DNAH2: variants seen among roughly 807,000 people sequenced by gnomAD.
DNAH2 encodes dynein axonemal heavy chain 2, also known as axonemal beta dynein heavy chain 2.
DNAH2 carries 323 observed loss-of-function variants against 523.5 expected under a neutral mutation model. The observed-to-expected ratio is 0.62, with a 90% CI of 0.56 to 0.68. The LOEUF (loss-of-function observed/expected upper bound fraction) is 0.68, where lower values mean the gene tolerates loss of function less well. Among genes scored for constraint, DNAH2 ranks in the 30% least tolerant of loss-of-function variants. DNAH2 has a pLI of 0.00. For synonymous variants in DNAH2, 2,093 were observed against 2,177.4 expected (o/e 0.96, Z 1.08); for missense variants, 4,907 against 5,701.5 (o/e 0.86, Z 4.49).
chr17:7,828,632 CAG>C lies in DNAH2; in HGVS notation c.11854-1665_11854-1664del, dbSNP rs1490382948. ...TTATTTTTTATTTTTTAAATAGAGA[CAG>C]AGTCTTGTTACGTTGCCTGGGTTGG... On this transcript the variant is annotated intron_variant, in intron 77 of 85. Transcript: ENST00000572933. The surrounding 1 kb of genome is among the most constrained non-coding windows in gnomAD (Gnocchi z 4.1). Among the ~76,000 whole-genome samples, 2 of 151,950 alleles carry C rather than the reference CAG, an allele frequency of 1.3e-5. No individual in the cohort carries two copies. Among genetic ancestry groups the C allele is most frequent in the African/African-American group, 4.8e-5 (2 of 41,290 alleles).
At chr17:7,825,672 T>G (rs1237209024) in intron 77 of DNAH2, among the ~76,000 whole-genome samples, 1 of 152,224 alleles carries the variant, frequency 6.6e-6, no homozygotes, top group Non-Finnish European at 1.5e-5. Flanking sequence ...GGCCCAGCGT[T>G]TCTCATTCTA....
At chr17:7,788,401 G>A (rs558799785) in intron 44 of DNAH2, among the ~76,000 whole-genome samples, 157 bp downstream of exon 44, 1 of 152,296 alleles carries the variant, frequency 6.6e-6, no homozygotes, top group East Asian at 1.9e-4. Flanking sequence ...GAGGCAGTGA[G>A]GGGTGTGTGT....
Position 7,807,043 on chromosome 17 carries a change from C to G in DNAH2, c.9443-107C>G. 1 of 1,402,580 alleles carries G rather than the reference C, an allele frequency of 7.1e-7. No individual in the cohort carries two copies. The highest frequency in any genetic ancestry group is 1.3e-5 in the South Asian group (1 of 74,382). 86.9% of individuals were successfully genotyped at this position (1,402,580 alleles called of 1,614,324 possible). A position where few individuals can be genotyped will look rare whatever the true frequency, so the allele number is the denominator to read the frequency against. ...AGGTCAGATAATTTGGCCTTAGGAACTGAGCCCAGGAAAAATGTGGCTATG... is the reference window on the plus strand; with the variant it reads ...AGGTCAGATAATTTGGCCTTAGGAAGTGAGCCCAGGAAAAATGTGGCTATG... On this transcript the variant is annotated intron_variant, in intron 61 of 85. Coordinates refer to ENST00000572933, the MANE Select transcript of DNAH2 (RefSeq NM_020877.5). This position sits in a 1 kb window ranked among gnomAD's most constrained non-coding sequence, Gnocchi z 5.6.
intron 18 of DNAH2, among the ~76,000 whole-genome samples, chr17:7,763,539 A>G (rs1004164284): frequency 6.6e-6 from 1 of 152,170 alleles, no homozygotes; most frequent in African/African-American, 2.4e-5. Flanking sequence ...TCGGCCTCCC[A>G]AAGTGCTGGG....
rs796439698 is a variant in DNAH2, at chr17:7,754,966, G to GAAA, written c.1905-2112_1905-2110dup. The GAAA allele has an allele frequency of 9.4e-5, 26 of 277,574 alleles. No homozygotes were observed. Among genetic ancestry groups the GAAA allele is most frequent in the Admixed American group, 1.7e-4 (3 of 17,654 alleles). 17.2% of individuals were successfully genotyped at this position (277,574 alleles called of 1,614,324 possible). A position where few individuals can be genotyped will look rare whatever the true frequency, so the allele number is the denominator to read the frequency against. ...TATTGGTACAAATAAGCCTGAGGCA[G>GAAA]AAAAAAAAAAAAAAAGAATAGGCAG... On this transcript the variant is annotated intron_variant, in intron 12 of 85. Transcript: ENST00000572933. This position sits in a 1 kb window ranked among gnomAD's most constrained non-coding sequence, Gnocchi z 4.6.
In DNAH2 at chr17:7,780,916, G is replaced by GCC; in HGVS notation, c.6004-124_6004-123dup. On this transcript the variant is annotated intron_variant, in intron 38 of 85. Transcript: ENST00000572933. The surrounding 1 kb of genome is among the most constrained non-coding windows in gnomAD (Gnocchi z 4.4). The stretch of plus-strand genomic sequence containing the variant: ...TCCCACCTCGTCCCATCCCCGTGTT[G>GCC]CCCGCTGCTTTGCTAATGGCTAACT... The GCC allele has an allele frequency of 6.3e-7, 1 of 1,581,120 alleles. No individual in the cohort carries two copies. Among genetic ancestry groups the GCC allele is most frequent in the East Asian group, 2.2e-5 (1 of 44,586 alleles).
intron 11 of DNAH2, 25 bp downstream of exon 11, chr17:7,741,017 T>G: frequency 6.3e-7 from 1 of 1,579,682 alleles, no homozygotes; most frequent in Non-Finnish European, 8.6e-7. Context: ...TTCTCCATAT[T>G]CTGTCGTCAG....
Position 7,733,129 on chromosome 17 carries a change from C to T in DNAH2, c.442C>T (p.Pro148Ser). 5.6e-6 allele frequency: 9 copies of T among 1,614,212 alleles called. No individual in the cohort carries two copies. Among genetic ancestry groups the T allele is most frequent in the Non-Finnish European group, 7.6e-6 (9 of 1,180,042 alleles). The change falls in exon 5 of 86, where the codon CCC (proline) becomes TCC (serine). Residue 148 changes from proline to serine, a missense_variant. Pro to Ser is a moderately conservative substitution (Grantham distance 74, BLOSUM62 -1). This residue lies in a region of DNAH2 where 2,806 missense variants were observed against 3,190.8 expected (regional missense o/e 0.88). Transcript: ENST00000572933. Reference sequence around the variant, plus strand: ...CTACTTCATTCGCCAAGCACCAGTTCCCATCACCTGGGAGAACTTCGAGGC... The same window carrying T: ...CTACTTCATTCGCCAAGCACCAGTTTCCATCACCTGGGAGAACTTCGAGGC... ...LVYFIRQAPVPITWENFEATV... is the reference protein window; with the variant it reads ...LVYFIRQAPVSITWENFEATV...
At chr17:7,742,864 G>GTCGCCGTATCATTAAAAAA in intron 11 of DNAH2, 64 bp from the exon 12 acceptor site, 2 of 1,190,308 alleles carry the variant, frequency 1.7e-6, no homozygotes, top group Non-Finnish European at 1.1e-6. Flanking sequence ...AGGTCTCAGG[G>GTCGCCGTATCATTAAAAAA]AGATGGTGGC....
At position 7,766,339 on chromosome 17, in the gene DNAH2, G is replaced by C. The variant is rs374777308; in HGVS notation, c.3533G>C (p.Gly1178Ala). The C allele has an allele frequency of 1.5e-5, 24 of 1,613,700 alleles. No homozygotes were observed. Among genetic ancestry groups the C allele is most frequent in the Non-Finnish European group, 1.8e-5 (21 of 1,179,858 alleles). ...EFKGHFTSNV[G>A]YMSALDQITQ... ...ACAGGCCATTTCACCAGCAACGTGG[G>C]ATACATGTCTGCCTTAGACCAGATT... is the stretch of plus-strand genomic sequence containing the variant. Residue 1178 changes from glycine to alanine, a missense_variant, in exon 22 of 86, where the codon GGA becomes GCA. Around this residue, in one of 3 missense-constraint regions of DNAH2, gnomAD observed 2,806 missense variants for 3,190.8 expected, o/e 0.88. Coordinates refer to ENST00000572933, the MANE Select transcript of DNAH2 (RefSeq NM_020877.5).
chr17:7,769,549 C>G (rs1340634278), intron 24 of DNAH2, among the ~76,000 whole-genome samples: 1 of 152,144 alleles, frequency 6.6e-6, no homozygotes, highest in Non-Finnish European at 1.5e-5. Context: ...GCCTTTGTGC[C>G]TTGTTTAGGA....
intron 11 of DNAH2, among the ~76,000 whole-genome samples, chr17:7,741,310 C>CTT (rs2075334092): frequency 1.4e-5 from 1 of 70,652 alleles, no homozygotes; most frequent in Non-Finnish European, 2.6e-5. Flanking sequence ...TCCTTCCCTC[C>CTT]CTCCCTCCCT....
intron 24 of DNAH2, 52 bp from the exon 25 acceptor site, chr17:7,770,200 A>T: frequency 6.5e-7 from 1 of 1,530,120 alleles, no homozygotes; most frequent in Non-Finnish European, 8.8e-7. Context: ...GGAGACAGCA[A>T]TGGAGTGATG....
At chr17:7,755,835 T>G (rs1314134996) in intron 12 of DNAH2, among the ~76,000 whole-genome samples, 1 of 151,592 alleles carries the variant, frequency 6.6e-6, no homozygotes, top group Non-Finnish European at 1.5e-5. Flanking sequence ...ACAGTGTCTC[T>G]GTTGCCTAGG....
At chr17:7,777,334 C>T in intron 32 of DNAH2, 112 bp from the exon 33 acceptor site, 1 of 1,153,320 alleles carries the variant, frequency 8.7e-7, no homozygotes, top group South Asian at 1.4e-5. Flanking sequence ...CCAGGAGTTA[C>T]AGCAGGTGGG....
intron 11 of DNAH2, 50 bp from the exon 12 acceptor site, chr17:7,742,873 GCCCCT>G: frequency 2.4e-6 from 3 of 1,273,838 alleles, no homozygotes; most frequent in East Asian, 2.8e-5. Flanking sequence ...GGAGATGGTG[GCCCCT>G]GGAGGAAGGT....
chr17:7,740,720 GC>G, intron 10 of DNAH2, 89 bp from the exon 11 acceptor site: 6 of 1,540,752 alleles, frequency 3.9e-6, no homozygotes, highest in Non-Finnish European at 4.4e-6. Flanking sequence ...TGTGACTCCC[GC>G]AGCGGGGTGC....
Position 7,737,222 on chromosome 17 carries a change from C to T in DNAH2, c.1134C>T (p.Tyr378=). The change falls in exon 8 of 86, where the codon TAC becomes TAT. Residue 378 remains tyrosine, a synonymous_variant. Coordinates refer to ENST00000572933, the MANE Select transcript of DNAH2 (RefSeq NM_020877.5). The stretch of plus-strand genomic sequence containing the variant: ...TCATCTGGGTCAACTCTCCCCACTA[C>T]AACACTCGGGAGAGACTGACCTCGC... The part of the protein sequence containing the change: ...IRIIWVNSPH[Y]NTRERLTSLF... 6.2e-7 allele frequency: 1 copy of T among 1,614,062 alleles called. No homozygotes were observed. Among genetic ancestry groups the T allele is most frequent in the Non-Finnish European group, 8.5e-7 (1 of 1,179,998 alleles).
At chr17:7,744,155 A>G (rs893917602) in intron 12 of DNAH2, among the ~76,000 whole-genome samples, 3 of 152,042 alleles carry the variant, frequency 2.0e-5, no homozygotes, top group Non-Finnish European at 2.9e-5. Context: ...TTAGCTGGGC[A>G]TTGTGGCAGG....
Sources: gnomAD v4.1 joint callset for allele counts (sites outside exome capture counted in the v4.1 genomes callset) on GRCh38, gnomAD v4.1.1 for gene constraint, gnomAD v4.1.1 regional missense constraint, Gnocchi (gnomAD v3.1) non-coding constraint, MANE v1.5 for transcripts, NCBI Gene and HGNC (gene_info 2026-07-23, HGNC 2026-07-21) for gene names.